SETD1A: variants seen among roughly 807,000 people sequenced by gnomAD.
The protein encoded by SETD1A is histone-lysine N-methyltransferase SETD1A.
Under a neutral mutation model 149.9 loss-of-function variants are expected in SETD1A, and 29 were observed. That is an observed-to-expected ratio of 0.19 (90% CI 0.14 to 0.26). The LOEUF (loss-of-function observed/expected upper bound fraction) is 0.26, where lower values mean the gene tolerates loss of function less well. Ranked by LOEUF, SETD1A falls within the 10% of genes least tolerant of loss-of-function variation. SETD1A has a pLI of 1.00. For synonymous variants in SETD1A, 1,141 were observed against 968.5 expected (o/e 1.18, Z -3.31); for missense variants, 2,109 against 2,353.1 (o/e 0.90, Z 2.15).
chr16:30,960,056 T>G (rs570112890), intron 3 of SETD1A, among the ~76,000 whole-genome samples: 1 of 152,206 alleles, frequency 6.6e-6, no homozygotes, highest in Non-Finnish European at 1.5e-5. Context: ...TCTCTCTCAG[T>G]TGGTCACCGA....
At chr16:30,962,453 G>A (rs2056066665) in intron 4 of SETD1A, among the ~76,000 whole-genome samples, 1 of 152,200 alleles carries the variant, frequency 6.6e-6, no homozygotes, top group African/African-American at 2.4e-5. Flanking sequence ...GGGTTTTTAG[G>A]TTTGGAAATT....
chr16:30,964,404 C>T, intron 6 of SETD1A, 81 bp downstream of exon 6: 1 of 1,368,322 alleles, frequency 7.3e-7, no homozygotes, highest in East Asian at 2.4e-5. Flanking sequence ...GAGTCTGTCT[C>T]CAAGAGGGAG....
chr16:30,963,421 C>T lies in SETD1A; in HGVS notation c.518-12C>T, dbSNP rs780402909. The T allele has an allele frequency of 1.9e-6, 3 of 1,587,816 alleles. No homozygotes were observed. The highest frequency in any genetic ancestry group is 2.3e-5 in the South Asian group (2 of 87,582). ...TCCATCTGACAATTGGTTCCCATTT[C>T]CCTCCCTCCAGGACAACAACGAATG... On this transcript the variant is annotated splice_polypyrimidine_tract_variant and intron_variant, in intron 4 of 18. Coordinates refer to ENST00000262519, the MANE Select transcript of SETD1A (RefSeq NM_014712.3).
intron 12 of SETD1A, among the ~76,000 whole-genome samples, chr16:30,970,576 C>A (rs2056212480): frequency 6.6e-6 from 1 of 152,120 alleles, no homozygotes; most frequent in Admixed American, 6.6e-5. Context: ...CCTCTTGCAG[C>A]AGTCTTGACT....
chr16:30,960,190 C>T (rs1222290688), intron 3 of SETD1A, among the ~76,000 whole-genome samples: 5 of 152,152 alleles, frequency 3.3e-5, no homozygotes, highest in South Asian at 4.1e-4. Context: ...TCTCCTCTGC[C>T]TTGCTGTCAT....
At chr16:30,982,356 C>T (rs1016161158) in intron 17 of SETD1A, among the ~76,000 whole-genome samples, 3 of 151,986 alleles carry the variant, frequency 2.0e-5, no homozygotes, top group Non-Finnish European at 4.4e-5. Context: ...CAAAAATTAG[C>T]CAGGCGTGGT....
At chr16:30,977,998 G>A (rs1162713631) in intron 13 of SETD1A, among the ~76,000 whole-genome samples, 1 of 151,958 alleles carries the variant, frequency 6.6e-6, no homozygotes, top group African/African-American at 2.4e-5. Context: ...ACCCTCTGCT[G>A]GGTACAGTGG....
At position 30,964,599 on chromosome 16, in the gene SETD1A, G is replaced by GCTT; in HGVS notation, c.870-7_870-5dup. 6.2e-7 allele frequency: 1 copy of GCTT among 1,607,496 alleles called. No individual in the cohort carries two copies. The highest frequency in any genetic ancestry group is 8.5e-7 in the Non-Finnish European group (1 of 1,176,518). ...AGAGCTGAGTCCAGCTAACTCCCCT[G>GCTT]CTTCTTCTCCAGCACCACTTCAACC... is the stretch of plus-strand genomic sequence containing the variant. On this transcript the variant is annotated splice_polypyrimidine_tract_variant and intron_variant, in intron 6 of 18. Coordinates refer to ENST00000262519, the MANE Select transcript of SETD1A (RefSeq NM_014712.3).
At chr16:30,972,319 G>A (rs2056235049) in intron 13 of SETD1A, among the ~76,000 whole-genome samples, 1 of 152,126 alleles carries the variant, frequency 6.6e-6, no homozygotes, top group African/African-American at 2.4e-5. Flanking sequence ...CAGTCTACAG[G>A]GAAAGACATC....
Position 30,979,292 on chromosome 16 carries a change from CCTT to C in SETD1A, c.3509_3511del (p.Phe1170del), listed in dbSNP as rs1291869496. The stretch of plus-strand genomic sequence containing the variant: ...CCCAAGAAACGCCGGAAAACTGTCT[CCTT>C]CTCTGCCATCGAGGTGGTGCCAGCC... On this transcript the variant is annotated inframe_deletion, in exon 14 of 19. Coordinates refer to ENST00000262519, the MANE Select transcript of SETD1A (RefSeq NM_014712.3). The C allele has an allele frequency of 1.9e-6, 3 of 1,611,520 alleles. No homozygotes were observed. The highest frequency in any genetic ancestry group is 2.5e-6 in the Non-Finnish European group (3 of 1,178,848).
In SETD1A at chr16:30,964,641, G is replaced by A. The variant is rs772128818; in HGVS notation, c.899G>A (p.Arg300Gln). The stretch of plus-strand genomic sequence containing the variant: ...ACTTCAACCTCCTTCAAGCCCCGGC[G>A]GTCAGAGAACAGCTACCAAGATGCC... The part of the protein sequence containing the change: ...STTSTSFKPR[R>Q]SENSYQDAFS... Residue 300 changes from arginine (R) to glutamine (Q), a missense_variant, in exon 7 of 19, where the codon CGG (arginine) becomes CAG (glutamine). Transcript: ENST00000262519. The A allele has an allele frequency of 3.7e-6, 6 of 1,613,580 alleles. No individual in the cohort carries two copies. The highest frequency in any genetic ancestry group is 1.6e-4 in the Middle Eastern group (1 of 6,062).
At chr16:30,971,845 C>T (rs1490297197) in intron 13 of SETD1A, 126 bp downstream of exon 13, 6 of 1,246,216 alleles carry the variant, frequency 4.8e-6, no homozygotes. Flanking sequence ...GAAAATGTCA[C>T]CATCTCCTGT....
Position 30,964,270 on chromosome 16 carries a change from C to T in SETD1A, c.816C>T (p.Pro272=), listed in dbSNP as rs749004273. 21 of 1,613,888 alleles carry T rather than the reference C, an allele frequency of 1.3e-5. No individual in the cohort carries two copies. Among genetic ancestry groups the T allele is most frequent in the Non-Finnish European group, 1.7e-5 (20 of 1,179,926 alleles). ...CACCTCAGTCCTCCCAAGGAACCCC[C>T]TACACGTCTCGGGGCAGCACCCCCT... The part of the protein sequence containing the change: ...QFTPQSSQGT[P]YTSRGSTPYS... Residue 272 remains proline (P), a synonymous_variant, in exon 6 of 19, where the codon CCC becomes CCT. Transcript: ENST00000262519.
At chr16:30,963,625 G>A in intron 5 of SETD1A, 71 bp downstream of exon 5, 3 of 1,489,656 alleles carry the variant, frequency 2.0e-6, no homozygotes, top group Non-Finnish European at 2.7e-6. Context: ...AGCAGGAGCA[G>A]TCTTCGGGAG....
intron 13 of SETD1A, among the ~76,000 whole-genome samples, chr16:30,977,285 C>T (rs1336872709): frequency 2.6e-5 from 4 of 152,052 alleles, no homozygotes; most frequent in African/African-American, 9.7e-5. Context: ...TTTCAGTCAC[C>T]ACCGTCTTAG....
At chr16:30,964,030 A>C in intron 5 of SETD1A, 64 bp from the exon 6 acceptor site, 1 of 1,280,642 alleles carries the variant, frequency 7.8e-7, no homozygotes, top group Admixed American at 2.0e-5. Context: ...TGGTTTGGGA[A>C]AGGGCAGGTC....
intron 2 of SETD1A, 82 bp from the exon 3 acceptor site, chr16:30,959,009 G>T: frequency 7.0e-7 from 1 of 1,429,988 alleles, no homozygotes; most frequent in Admixed American, 1.7e-5. Flanking sequence ...TCTTCTGCAT[G>T]TGTGTGTCCA....
chr16:30,963,360 A>G, intron 4 of SETD1A, 73 bp from the exon 5 acceptor site: 1 of 1,402,784 alleles, frequency 7.1e-7, no homozygotes, highest in Non-Finnish European at 9.5e-7. Context: ...GAGGCCTGAG[A>G]AAGCAGGAAT....
chr16:30,980,908 GCCAGGGGACCAC>G lies in SETD1A; in HGVS notation c.4692+64_4692+75del. ...TGGGGTGGGGCAGGAAGGGGCAGAG[GCCAGGGGACCAC>G]CCAGCAGGCTCCTGTGGTTCCCTCG... On this transcript the variant is annotated intron_variant, in intron 16 of 18. Transcript: ENST00000262519. The surrounding 1 kb of genome is among the most constrained non-coding windows in gnomAD (Gnocchi z 7.7). 2.6e-6 allele frequency: 4 copies of G among 1,555,892 alleles called. No homozygotes were observed. The highest frequency in any genetic ancestry group is 3.5e-6 in the Non-Finnish European group (4 of 1,137,168).
Sources: gnomAD v4.1 joint callset for allele counts (sites outside exome capture counted in the v4.1 genomes callset) on GRCh38, gnomAD v4.1.1 for gene constraint, Gnocchi (gnomAD v3.1) non-coding constraint, MANE v1.5 for transcripts, NCBI Gene and HGNC (gene_info 2026-07-23, HGNC 2026-07-21) for gene names.